COP1: variants seen among roughly 807,000 people sequenced by gnomAD.
The protein encoded by COP1 is E3 ubiquitin-protein ligase COP1.
A neutral mutation model predicts 101.3 loss-of-function variants in COP1; 24 were observed. The observed-to-expected ratio is 0.24, with a 90% CI of 0.17 to 0.33. The LOEUF is 0.33. Among genes scored for constraint, COP1 ranks in the 10% least tolerant of loss-of-function variants. The pLI is 1.00. For missense variants in COP1, 663 were observed against 906.2 expected (o/e 0.73, Z 3.45); for synonymous variants, 347 against 341.9 (o/e 1.01, Z -0.17).
rs562143431 is a variant in COP1 at position 176,063,295 on chromosome 1, C to T, written c.1278-16971G>A. Among the ~76,000 whole-genome samples the T allele has an allele frequency of 7.9e-5, 12 of 151,908 alleles. No homozygotes were observed. In the South Asian group the frequency reaches 2.3e-3, roughly 29 times the overall value. ...CAGGATGGTCTCGATCTCCTGACCTCATGATCCACCCGCCTCGGCCTCCCA... is the reference window on the plus strand; with the variant it reads ...CAGGATGGTCTCGATCTCCTGACCTTATGATCCACCCGCCTCGGCCTCCCA... On this transcript the variant is annotated intron_variant, in intron 11 of 19. Coordinates refer to ENST00000367669, the MANE Select transcript of COP1 (RefSeq NM_022457.7).
At chr1:176,112,139 A>G (rs1278856999) in intron 9 of COP1, among the ~76,000 whole-genome samples, 2 of 151,918 alleles carry the variant, frequency 1.3e-5, no homozygotes, top group African/African-American at 4.8e-5. Context: ...GGATGAGAAG[A>G]TATTTACGTA....
intron 9 of COP1, among the ~76,000 whole-genome samples, chr1:176,115,571 A>T (rs1686045722): frequency 6.6e-6 from 1 of 151,722 alleles, no homozygotes; most frequent in African/African-American, 2.4e-5. Flanking sequence ...ACATGGTGAA[A>T]CCCCGTTTCT....
chr1:175,946,108 T>A (rs921784105), intron 19 of COP1, among the ~76,000 whole-genome samples: 1 of 152,138 alleles, frequency 6.6e-6, no homozygotes, highest in Non-Finnish European at 1.5e-5. Flanking sequence ...AGAGAGAGAC[T>A]GAGAGAGTAT....
chr1:176,037,507 T>G (rs1347966764), intron 14 of COP1, among the ~76,000 whole-genome samples: 2 of 148,130 alleles, frequency 1.4e-5, no homozygotes, highest in Admixed American at 6.7e-5. Flanking sequence ...CACGAAAAAT[T>G]ACAAAAACAG....
At chr1:176,004,006 T>G (rs551610427) in intron 15 of COP1, among the ~76,000 whole-genome samples, 1 of 148,982 alleles carries the variant, frequency 6.7e-6, no homozygotes, top group East Asian at 2.0e-4. Flanking sequence ...TTCCATTTGT[T>G]TGTATCCTCT....
At chr1:176,134,547 C>G (rs1334596653) in intron 8 of COP1, among the ~76,000 whole-genome samples, 1 of 151,792 alleles carries the variant, frequency 6.6e-6, no homozygotes, top group Non-Finnish European at 1.5e-5. Flanking sequence ...AAGAAAATAC[C>G]AAGGAAATCT....
At chr1:176,139,696 A>C (rs1485072087) in intron 6 of COP1, among the ~76,000 whole-genome samples, 1 of 152,198 alleles carries the variant, frequency 6.6e-6, no homozygotes, top group Non-Finnish European at 1.5e-5. Flanking sequence ...ATCCTAAGTG[A>C]ATTAATGAAG....
chr1:176,030,633 TATAAG>T (rs1373047003), intron 14 of COP1, among the ~76,000 whole-genome samples: 1 of 152,170 alleles, frequency 6.6e-6, no homozygotes, highest in East Asian at 1.9e-4. Context: ...ATTTTCAATA[TATAAG>T]ATATTAGAAT....
chr1:176,098,486 A>C (rs1682822891), intron 9 of COP1, among the ~76,000 whole-genome samples: 1 of 152,230 alleles, frequency 6.6e-6, no homozygotes, highest in Non-Finnish European at 1.5e-5. Flanking sequence ...AACAAACAAA[A>C]AAAGCTAAAA....
At position 176,021,386 on chromosome 1, in the gene COP1, G is replaced by T. The variant is rs577883472; in HGVS notation, c.1729+6186C>A. 9.4e-4 allele frequency among the ~76,000 whole-genome samples: 143 copies of T among 152,186 alleles called. 1 individual carries two copies. The highest frequency in any genetic ancestry group is 1.3e-3 in the Non-Finnish European group (88 of 68,002). ...TGCTAAGATTGTACAAACTCAGCAG[G>T]TGCCAAATTATCTAAAGATACTACA... On this transcript the variant is annotated intron_variant, in intron 15 of 19. Coordinates refer to ENST00000367669, the MANE Select transcript of COP1 (RefSeq NM_022457.7).
intron 5 of COP1, among the ~76,000 whole-genome samples, chr1:176,161,452 T>C (rs950719034): frequency 1.3e-5 from 2 of 151,782 alleles, no homozygotes; most frequent in South Asian, 2.1e-4. Context: ...AATAAACTAG[T>C]TGGGTGATTT....
chr1:176,142,865 A>C (rs1468254727), intron 6 of COP1, among the ~76,000 whole-genome samples: 2 of 152,092 alleles, frequency 1.3e-5, no homozygotes, highest in Middle Eastern at 3.4e-3. Context: ...GGTACAGATT[A>C]AAAAATAAGA....
intron 3 of COP1, among the ~76,000 whole-genome samples, chr1:176,173,986 CAAAAAAA>C (rs1212803591): frequency 1.8e-4 from 9 of 49,076 alleles, no homozygotes; most frequent in East Asian, 8.9e-4. Context: ...GATGCTGTCT[CAAAAAAA>C]AAAAAAAAAA....
At chr1:176,017,571 C>T (rs1665886295) in intron 15 of COP1, 1 of 152,200 alleles carries the variant, frequency 6.6e-6, no homozygotes, top group South Asian at 2.1e-4. Flanking sequence ...GTCACCCAGG[C>T]TAAAGTGCAG....
chr1:176,039,645 C>T (rs1670180173), intron 14 of COP1, among the ~76,000 whole-genome samples: 2 of 151,850 alleles, frequency 1.3e-5, no homozygotes, highest in Non-Finnish European at 2.9e-5. Flanking sequence ...CTGAAACAAT[C>T]TTGAAAAAGA....
At chr1:176,005,202 C>T (rs990347948) in intron 15 of COP1, among the ~76,000 whole-genome samples, 2 of 151,994 alleles carry the variant, frequency 1.3e-5, no homozygotes, top group Non-Finnish European at 2.9e-5. Context: ...GGTGATATCC[C>T]GTTTATCATT....
chr1:176,001,184 T>C (rs1384791531), intron 15 of COP1, among the ~76,000 whole-genome samples: 1 of 152,054 alleles, frequency 6.6e-6, no homozygotes, highest in East Asian at 1.9e-4. Flanking sequence ...ACTGTGAAAA[T>C]AAAATATAAA....
intron 9 of COP1, among the ~76,000 whole-genome samples, chr1:176,088,351 T>C (rs760766013): frequency 5.9e-5 from 9 of 152,078 alleles, no homozygotes; most frequent in African/African-American, 7.2e-5. Flanking sequence ...TATTACAAAA[T>C]TTCATTATAT....
At chr1:176,028,731 T>TTA (rs1400524081) in intron 14 of COP1, among the ~76,000 whole-genome samples, 2 of 42,280 alleles carry the variant, frequency 4.7e-5, no homozygotes, top group East Asian at 2.3e-3. Context: ...ATATATAGTT[T>TTA]TATATATATT....
Sources: gnomAD v4.1 joint callset for allele counts (sites outside exome capture counted in the v4.1 genomes callset) on GRCh38, gnomAD v4.1.1 for gene constraint, MANE v1.5 for transcripts, NCBI Gene and HGNC (gene_info 2026-07-23, HGNC 2026-07-21) for gene names.